The following CABIN1 variants were observed in gnomAD, a reference collection of about 807,000 sequenced individuals.
CABIN1 encodes the protein calcineurin-binding protein cabin-1.
In CABIN1, 133 loss-of-function variants were observed where a neutral mutation model predicts 227.7. That is an observed-to-expected ratio of 0.58 (90% CI 0.51 to 0.67). The LOEUF is 0.67. Among genes scored for constraint, CABIN1 ranks in the 30% least tolerant of loss-of-function variants. The pLI, the probability that CABIN1 is intolerant of heterozygous loss-of-function variation, is 0.00. For synonymous variants in CABIN1, 1,086 were observed against 1,155.1 expected (o/e 0.94, Z 1.21); for missense variants, 2,408 against 2,852.5 (o/e 0.84, Z 3.55).
chr22:24,053,459 C>T (rs969412086), intron 8 of CABIN1, among the ~76,000 whole-genome samples: 2 of 151,972 alleles, frequency 1.3e-5, no homozygotes, highest in Admixed American at 6.6e-5. Flanking sequence ...CTCACTGCAA[C>T]CTCCACCTCC....
At chr22:24,119,754 T>A (rs2043291754) in intron 28 of CABIN1, 56 bp downstream of exon 28, 1 of 1,513,836 alleles carries the variant, frequency 6.6e-7, no homozygotes, top group Non-Finnish European at 9.2e-7. Flanking sequence ...CTGGGCATCT[T>A]TGAAGGTTGG....
chr22:24,041,554 C>A (rs2037374206), intron 5 of CABIN1, among the ~76,000 whole-genome samples: 1 of 152,028 alleles, frequency 6.6e-6, no homozygotes, highest in Non-Finnish European at 1.5e-5. Flanking sequence ...GTTATTCAGT[C>A]TCTTGGTATC....
At position 24,128,269 on chromosome 22, in the gene CABIN1, T is replaced by C. The variant is rs144258600; in HGVS notation, c.4633-6033T>C. Among the ~76,000 whole-genome samples the C allele has an allele frequency of 6.6e-3, 898 of 136,298 alleles. 11 individuals carry two copies. The highest frequency in any genetic ancestry group is 0.023 in the African/African-American group (873 of 37,340). 89.4% of individuals were successfully genotyped at this position (136,298 alleles called of 152,430 possible). ...TGTACTCATAAACTCTTTGATTGCA[T>C]GACTTCTAATGCCTACACAGGATTC... is the stretch of plus-strand genomic sequence containing the variant. On this transcript the variant is annotated intron_variant, in intron 28 of 36. Coordinates refer to ENST00000263119, the MANE Select transcript of CABIN1 (RefSeq NM_012295.4).
At position 24,042,973 on chromosome 22, in the gene CABIN1, C is replaced by A. The variant is rs753351557; in HGVS notation, c.415C>A (p.Arg139=). Residue 139 remains arginine (R), a synonymous_variant, in exon 6 of 37, where the codon CGG becomes AGG. Transcript: ENST00000263119. ...TGGACATGTGGCCCTGAGGCTCATC[C>A]GGATCCCCCTGGCTCGCCATGCTTT... ...KIGHVALRLI[R]IPLARHAFEE... 2 of 1,613,700 alleles carry A rather than the reference C, an allele frequency of 1.2e-6. No individual in the cohort carries two copies. The highest frequency in any genetic ancestry group is 1.1e-5 in the South Asian group (1 of 91,062).
intron 27 of CABIN1, among the ~76,000 whole-genome samples, chr22:24,117,326 C>T (rs777804889): frequency 1.3e-5 from 2 of 152,178 alleles, no homozygotes; most frequent in Non-Finnish European, 2.9e-5. Flanking sequence ...CTCAGCCTCC[C>T]GAGTAGCTGG....
rs557363882 is a variant in CABIN1, at chr22:24,155,075, C to T, written c.4747-9325C>T. On this transcript the variant is annotated intron_variant, in intron 29 of 36. Coordinates refer to ENST00000263119, the MANE Select transcript of CABIN1 (RefSeq NM_012295.4). Reference sequence around the variant, plus strand: ...TTGGGGCAGCATCTCTCTCACCTAGCCCGTGCAGGTTGGCCCATCCCTGCC... The same window carrying T: ...TTGGGGCAGCATCTCTCTCACCTAGTCCGTGCAGGTTGGCCCATCCCTGCC... Among the ~76,000 whole-genome samples, 4 of 152,240 alleles carry T rather than the reference C, an allele frequency of 2.6e-5. No homozygotes were observed. The South Asian group carries it at 8.3e-4, about 32-fold the overall frequency.
Position 24,064,283 on chromosome 22 carries a change from G to C in CABIN1, c.2037+96G>C, listed in dbSNP as rs1401731388. 4.1e-5 allele frequency: 53 copies of C among 1,301,148 alleles called. 2 individuals are homozygous for C. The South Asian group carries it at 6.0e-4, about 15-fold the overall frequency. 80.6% of individuals were successfully genotyped at this position (1,301,148 alleles called of 1,614,324 possible). A position where few individuals can be genotyped will look rare whatever the true frequency, so the allele number is the denominator to read the frequency against. Reference sequence around the variant, plus strand: ...TGTAATAGTGCAATCTCGGCTCACTGCAACCTACACCTCTGGGGTTCAAGG... The same window carrying C: ...TGTAATAGTGCAATCTCGGCTCACTCCAACCTACACCTCTGGGGTTCAAGG... On this transcript the variant is annotated intron_variant, in intron 15 of 36. Transcript: ENST00000263119.
chr22:24,020,333 T>A (rs2035631111), intron 1 of CABIN1, among the ~76,000 whole-genome samples: 1 of 152,206 alleles, frequency 6.6e-6, no homozygotes, highest in South Asian at 2.1e-4. Flanking sequence ...TTTATTTTTT[T>A]ATTTTTGATA....
At chr22:24,077,185 C>G (rs2040501342) in intron 19 of CABIN1, among the ~76,000 whole-genome samples, 1 of 152,184 alleles carries the variant, frequency 6.6e-6, no homozygotes, top group Non-Finnish European at 1.5e-5. Context: ...CCAGTACTCC[C>G]CATCTTCCTG....
intron 24 of CABIN1, among the ~76,000 whole-genome samples, chr22:24,093,604 C>A: frequency 6.6e-6 from 1 of 151,868 alleles, no homozygotes; most frequent in Non-Finnish European, 1.5e-5. Context: ...CATGGTGGCT[C>A]ACACCTATAA....
intron 29 of CABIN1, among the ~76,000 whole-genome samples, chr22:24,147,329 TCTCCTCCC>T (rs1313403411): frequency 2.1e-5 from 1 of 46,604 alleles, no homozygotes; most frequent in African/African-American, 8.3e-5. Flanking sequence ...CCCTCCCTCC[TCTCCTCCC>T]TCCCTCCCTG....
chr22:24,048,936 T>C (rs189756529), intron 6 of CABIN1, among the ~76,000 whole-genome samples, 155 bp from the exon 7 acceptor site: 2 of 152,334 alleles, frequency 1.3e-5, no homozygotes, highest in African/African-American at 4.8e-5. Context: ...CTGGGTCTTA[T>C]TACTAACCTG....
Position 24,075,515 on chromosome 22 carries a change from T to C in CABIN1, c.2633-654T>C, listed in dbSNP as rs562032723. Among the ~76,000 whole-genome samples the C allele has an allele frequency of 2.0e-5, 3 of 152,248 alleles. No individual in the cohort carries two copies. In the East Asian group the frequency reaches 5.8e-4, roughly 29 times the overall value. ...GGCTCATGCCTGTAGTCTCAACACT[T>C]TGGGAGGCCGAGGCAGGCCAGGAGT... On this transcript the variant is annotated intron_variant, in intron 18 of 36. Coordinates refer to ENST00000263119, the MANE Select transcript of CABIN1 (RefSeq NM_012295.4).
intron 29 of CABIN1, among the ~76,000 whole-genome samples, chr22:24,146,992 G>C (rs1022871970): frequency 1.3e-5 from 2 of 152,212 alleles, no homozygotes; most frequent in African/African-American, 4.8e-5. Context: ...CCATGCCGGA[G>C]TTTCTGCCCA....
At chr22:24,062,407 G>T (rs1211623999) in intron 13 of CABIN1, among the ~76,000 whole-genome samples, 1 of 145,506 alleles carries the variant, frequency 6.9e-6, no homozygotes, top group African/African-American at 2.6e-5. Context: ...ACCCAGGCTG[G>T]AGTGCAGTGG....
rs137879127 is a variant in CABIN1 at position 24,155,323 on chromosome 22, C to T, written c.4747-9077C>T. Reference sequence around the variant, plus strand: ...ACCCGCTTCCAGGCCGGAGAGCGACCCTCCCTGAGCTCTGCAAAGCTGCTC... The same window carrying T: ...ACCCGCTTCCAGGCCGGAGAGCGACTCTCCCTGAGCTCTGCAAAGCTGCTC... On this transcript the variant is annotated intron_variant, in intron 29 of 36. Transcript: ENST00000263119. 2.7e-4 allele frequency among the ~76,000 whole-genome samples: 41 copies of T among 152,188 alleles called. No individual in the cohort carries two copies. The South Asian group carries it at 7.3e-3, about 27-fold the overall frequency.
At position 24,036,104 on chromosome 22, in the gene CABIN1, T is replaced by A; in HGVS notation, c.19T>A (p.Leu7Ile). 2 of 1,613,598 alleles carry A rather than the reference T, an allele frequency of 1.2e-6. No individual in the cohort carries two copies. The highest frequency in any genetic ancestry group is 1.7e-6 in the Non-Finnish European group (2 of 1,179,622). MIRIAA[L>I]NASSTIEDDH... The stretch of plus-strand genomic sequence containing the variant: ...CTGTTTCTAGATTCGAATTGCAGCC[T>A]TAAATGCCAGCTCCACCATTGAGGA... The change falls in exon 3 of 37, where the codon TTA becomes ATA. Residue 7 changes from leucine to isoleucine, a missense_variant. Around this residue, in one of 3 missense-constraint regions of CABIN1, gnomAD observed 1,045 missense variants for 1,168.4 expected, o/e 0.89. Transcript: ENST00000263119.
rs762285287 is a variant in CABIN1, at chr22:24,062,965, C to G, written c.1703C>G (p.Pro568Arg). ...LTKGRSSAVS[P>R]RNCPAGMVNG... ...TTGGCCTGATGGTTTTTAGTGTCTC[C>G]TCGGAACTGCCCTGCTGGTATGGTG... The change falls in exon 14 of 37, where the codon CCT (proline) becomes CGT (arginine). Residue 568 changes from proline to arginine, a missense_variant. Around this residue, in one of 3 missense-constraint regions of CABIN1, gnomAD observed 1,045 missense variants for 1,168.4 expected, o/e 0.89. Transcript: ENST00000263119. The G allele has an allele frequency of 5.0e-6, 8 of 1,614,002 alleles. No homozygotes were observed. Among genetic ancestry groups the G allele is most frequent in the Non-Finnish European group, 6.8e-6 (8 of 1,179,996 alleles).
Position 24,083,342 on chromosome 22 carries a change from A to G in CABIN1, c.2863A>G (p.Ser955Gly). ...QCFYCLYSFP[S>G]KKSKARYLEE... ...CTTCTACTGCCTGTACAGCTTCCCC[A>G]GCAAGAAGAGTAAGGCCAGGTACCT... Residue 955 changes from serine to glycine, a missense_variant, in exon 20 of 37, where the codon AGC becomes GGC. Ser to Gly is a moderately conservative substitution (Grantham distance 56). This residue lies in a region of CABIN1 where 649 missense variants were observed against 910.3 expected (regional missense o/e 0.71). Coordinates refer to ENST00000263119, the MANE Select transcript of CABIN1 (RefSeq NM_012295.4). 1 of 1,614,006 alleles carries G rather than the reference A, an allele frequency of 6.2e-7. No individual in the cohort carries two copies. Among genetic ancestry groups the G allele is most frequent in the Non-Finnish European group, 8.5e-7 (1 of 1,180,030 alleles).
Sources: allele counts gnomAD v4.1 joint callset (sites outside exome capture counted in the v4.1 genomes callset), GRCh38; gene constraint gnomAD v4.1.1; regional missense constraint gnomAD v4.1.1; transcripts MANE v1.5; gene names NCBI Gene and HGNC (gene_info 2026-07-23, HGNC 2026-07-21).